NTM: variants seen among roughly 807,000 people sequenced by gnomAD.
NTM encodes IgLON family member 2.
In NTM, 13 loss-of-function variants were observed where a neutral mutation model predicts 42.1. The observed-to-expected ratio is 0.31, with a 90% CI of 0.20 to 0.49. The LOEUF (loss-of-function observed/expected upper bound fraction) is 0.49, where lower values mean the gene tolerates loss of function less well. Ranked by LOEUF, NTM falls within the 20% of genes least tolerant of loss-of-function variation. NTM has a pLI of 0.99. For synonymous variants in NTM, 187 were observed against 179.2 expected (o/e 1.04, Z -0.35); for missense variants, 373 against 452.8 (o/e 0.82, Z 1.60).
intron 1 of NTM, among the ~76,000 whole-genome samples, chr11:131,474,663 C>T (rs1448358): frequency 0.099 from 15,066 of 152,132 alleles, 1,963 homozygotes; most frequent in African/African-American, 0.29. Flanking sequence ...TTTCAACATT[C>T]ATCTCTTCCC....
intron 3 of NTM, among the ~76,000 whole-genome samples, chr11:132,158,342 T>C (rs2137554484): frequency 6.6e-6 from 1 of 152,382 alleles, no homozygotes; most frequent in South Asian, 2.1e-4. Context: ...CTTAGATCTC[T>C]GTTCAAGGTC....
At chr11:131,467,199 G>T (rs147374357) in intron 1 of NTM, among the ~76,000 whole-genome samples, 247 of 152,314 alleles carry the variant, frequency 1.6e-3, no homozygotes, top group African/African-American at 5.8e-3. Flanking sequence ...AGACAAAAAG[G>T]TGGGGACAGA....
At chr11:131,481,527 T>A (rs1462468391) in intron 1 of NTM, among the ~76,000 whole-genome samples, 1 of 152,198 alleles carries the variant, frequency 6.6e-6, no homozygotes, top group East Asian at 1.9e-4. Flanking sequence ...TGGCCAGCAA[T>A]GGCAAACATG....
chr11:131,768,533 A>G (rs1388998777), intron 1 of NTM, among the ~76,000 whole-genome samples: 1 of 152,216 alleles, frequency 6.6e-6, no homozygotes, highest in South Asian at 2.1e-4. Flanking sequence ...TGCTATCTAT[A>G]GGATCATTGC....
intron 4 of NTM, among the ~76,000 whole-genome samples, chr11:132,265,093 A>T (rs2093101604): frequency 6.6e-6 from 1 of 152,234 alleles, no homozygotes; most frequent in South Asian, 2.1e-4. Context: ...CTGCATGTGT[A>T]CCAGCTATGG....
intron 1 of NTM, among the ~76,000 whole-genome samples, chr11:131,909,179 C>T (rs1237106073): frequency 1.3e-5 from 2 of 152,114 alleles, no homozygotes; most frequent in East Asian, 1.9e-4. Context: ...AAAGGCAAGC[C>T]GTCTTAGTCT....
chr11:131,894,155 C>T (rs2051841520), intron 1 of NTM, among the ~76,000 whole-genome samples: 1 of 152,210 alleles, frequency 6.6e-6, no homozygotes, highest in African/African-American at 2.4e-5. Flanking sequence ...TTGGGAAATA[C>T]TCTGTGAGCA....
intron 4 of NTM, among the ~76,000 whole-genome samples, chr11:132,281,584 T>G (rs943303382): frequency 1.3e-5 from 2 of 152,208 alleles, no homozygotes; most frequent in African/African-American, 4.8e-5. Flanking sequence ...AACCCCAGTC[T>G]GTAAGAATAG....
chr11:132,055,948 C>A (rs6590612), intron 2 of NTM, among the ~76,000 whole-genome samples: 10,516 of 152,184 alleles, frequency 0.069, 594 homozygotes, highest in African/African-American at 0.16. Flanking sequence ...TGGATAAATG[C>A]CACTCCTCAC....
At chr11:131,565,966 C>T (rs2056838306) in intron 1 of NTM, among the ~76,000 whole-genome samples, 1 of 152,184 alleles carries the variant, frequency 6.6e-6, no homozygotes, top group Non-Finnish European at 1.5e-5. Context: ...AACTAGAAAA[C>T]ACTGGGTTTT....
At position 131,756,119 on chromosome 11, in the gene NTM, ACT is replaced by A. The variant is rs1405099354; in HGVS notation, c.83-155441_83-155440del. Among the ~76,000 whole-genome samples, 6 of 151,948 alleles carry A rather than the reference ACT, an allele frequency of 3.9e-5. No individual in the cohort carries two copies. In the South Asian group the frequency reaches 1.2e-3, roughly 32 times the overall value. On this transcript the variant is annotated intron_variant, in intron 1 of 8. Coordinates refer to ENST00000683400, the MANE Select transcript of NTM (RefSeq NM_001352005.2). ...TGAGCTATCACCATCAATACCCCAC[ACT>A]CTCATTGGTGTTAGTGAAGGGCAGG...
chr11:131,472,453 A>G (rs1952520972), intron 1 of NTM, among the ~76,000 whole-genome samples: 2 of 152,174 alleles, frequency 1.3e-5, no homozygotes, highest in African/African-American at 2.4e-5. Context: ...CTGAACCTAA[A>G]TAACATTGAG....
At chr11:131,795,412 T>A (rs1426480640) in intron 1 of NTM, 1 of 984,648 alleles carries the variant, frequency 1.0e-6, no homozygotes, top group East Asian at 1.1e-4. Flanking sequence ...ATTTTAGGAC[T>A]GTCCTTAAAT....
At chr11:132,225,532 T>C (rs554822507) in intron 4 of NTM, among the ~76,000 whole-genome samples, 9 of 152,050 alleles carry the variant, frequency 5.9e-5, no homozygotes, top group Non-Finnish European at 8.8e-5. Flanking sequence ...CAGCAAGAAT[T>C]CTGGTGCTCA....
At chr11:132,022,430 C>T (rs1363012691) in intron 2 of NTM, among the ~76,000 whole-genome samples, 1 of 152,152 alleles carries the variant, frequency 6.6e-6, no homozygotes, top group Non-Finnish European at 1.5e-5. Context: ...GGTGATGTTT[C>T]TTCAGAGTCC....
chr11:131,376,935 C>T lies in NTM; in HGVS notation c.82+6047C>T, dbSNP rs556036882. On this transcript the variant is annotated intron_variant, in intron 1 of 8. Transcript: ENST00000683400. ...ACTGTTTTAGGTGCTGGAGATAAAA[C>T]AGCGATGAAAAAGCAACTAACGGAT... Among the ~76,000 whole-genome samples the T allele has an allele frequency of 1.1e-3, 174 of 152,264 alleles. 2 individuals are homozygous for T. The highest frequency in any genetic ancestry group is 3.9e-3 in the African/African-American group (164 of 41,568).
rs115232433 is a variant in NTM, at chr11:131,506,338, A to G, written c.82+135450A>G. ...TCCAAACTGGGGAAGGGCCTATAAC[A>G]CTCCAAATGCTGGTGCCCGAATATC... On this transcript the variant is annotated intron_variant, in intron 1 of 8. Coordinates refer to ENST00000683400, the MANE Select transcript of NTM (RefSeq NM_001352005.2). Among the ~76,000 whole-genome samples the G allele has an allele frequency of 4.6e-3, 696 of 151,916 alleles. 6 individuals are homozygous for G. Among genetic ancestry groups the G allele is most frequent in the African/African-American group, 0.015 (642 of 41,436 alleles).
chr11:131,736,639 CA>C (rs1377899246), intron 1 of NTM, among the ~76,000 whole-genome samples: 2 of 152,050 alleles, frequency 1.3e-5, no homozygotes, highest in African/African-American at 4.8e-5. Context: ...CCATATCTGC[CA>C]AAAACCTCTC....
At chr11:131,391,846 A>G (rs1435805743) in intron 1 of NTM, among the ~76,000 whole-genome samples, 3 of 151,996 alleles carry the variant, frequency 2.0e-5, no homozygotes, top group Non-Finnish European at 2.9e-5. Context: ...TATAGGGTCC[A>G]AGCCAGGGAG....
Sources: gnomAD v4.1 joint callset for allele counts (sites outside exome capture counted in the v4.1 genomes callset) on GRCh38, gnomAD v4.1.1 for gene constraint, MANE v1.5 for transcripts, NCBI Gene and HGNC (gene_info 2026-07-23, HGNC 2026-07-21) for gene names.